Variants in SMG6 observed in about 807,000 individuals in gnomAD.
SMG6 encodes the protein telomerase-binding protein EST1A.
Under a neutral mutation model 142.2 loss-of-function variants are expected in SMG6, and 66 were observed. The observed-to-expected ratio is 0.46, with a 90% CI of 0.38 to 0.57. SMG6 has a LOEUF of 0.57. Among genes scored for constraint, SMG6 ranks in the 20% least tolerant of loss-of-function variants. The probability of loss-of-function intolerance (pLI) is 0.00; values close to 1 mark genes in which losing one functional copy is unlikely to be tolerated. For synonymous variants in SMG6, 779 were observed against 702.4 expected, an observed-to-expected ratio of 1.11 and a Z score of -1.72; for missense variants, 1,793 against 1,832.0, an observed-to-expected ratio of 0.98 and a Z score of 0.39.
At chr17:2,144,324 C>G (rs1318192668) in intron 13 of SMG6, among the ~76,000 whole-genome samples, 1 of 152,040 alleles carries the variant, frequency 6.6e-6, no homozygotes, top group African/African-American at 2.4e-5. Flanking sequence ...GCCTCGGCCT[C>G]CCAACATGCT....
chr17:2,104,359 T>C (rs1380441989), intron 13 of SMG6, among the ~76,000 whole-genome samples: 1 of 152,130 alleles, frequency 6.6e-6, no homozygotes, highest in Non-Finnish European at 1.5e-5. Flanking sequence ...GCTTCCCAAA[T>C]TGCTGGGATT....
At chr17:2,143,468 C>T (rs551461903) in intron 13 of SMG6, among the ~76,000 whole-genome samples, 2 of 152,178 alleles carry the variant, frequency 1.3e-5, no homozygotes, top group South Asian at 2.1e-4. Context: ...AACCAGAAGA[C>T]ACCAGATACA....
In SMG6 at chr17:2,177,693, T is replaced by C. The variant is rs181926134; in HGVS notation, c.3156-4834A>G. On this transcript the variant is annotated intron_variant, in intron 12 of 18. Transcript: ENST00000263073. ...AGCCGTGCATTGTGTTTCAGAGCTATGGAAGATCAGAGAAGCAGTACAGAT... is the reference window on the plus strand; with the variant it reads ...AGCCGTGCATTGTGTTTCAGAGCTACGGAAGATCAGAGAAGCAGTACAGAT... 5.7e-4 allele frequency among the ~76,000 whole-genome samples: 87 copies of C among 152,262 alleles called. 1 individual carries two copies. The highest frequency in any genetic ancestry group is 3.5e-4 in the Non-Finnish European group (24 of 68,026).
At chr17:2,154,948 T>A (rs1171300836) in intron 13 of SMG6, among the ~76,000 whole-genome samples, 1 of 151,782 alleles carries the variant, frequency 6.6e-6, no homozygotes, top group East Asian at 1.9e-4. Flanking sequence ...GGTGGGAGGA[T>A]CCCTTGAGCT....
chr17:2,218,034 A>C lies in SMG6; in HGVS notation c.2869+18458T>G, dbSNP rs142503843. The stretch of plus-strand genomic sequence containing the variant: ...CAAAAAACAAAAACAAAAACAAAAA[A>C]AAAAACAATGAAAAGGACCATCAGA... On this transcript the variant is annotated intron_variant, in intron 10 of 18. Coordinates refer to ENST00000263073, the MANE Select transcript of SMG6 (RefSeq NM_017575.5). Among the ~76,000 whole-genome samples, 1,004 of 151,844 alleles carry C rather than the reference A, an allele frequency of 6.6e-3. 8 individuals carry two copies. The highest frequency in any genetic ancestry group is 0.011 in the Non-Finnish European group (743 of 67,822).
In SMG6 at chr17:2,300,267, C is replaced by G. The variant is rs1483394110; in HGVS notation, c.486G>C (p.Arg162=). ...LQTVSKESAS[R]VEEEEVLNQV... ...GGTTGAGGACTTCTTCCTCCTCCAC[C>G]CGACTGGCGGATTCTTTGCTAACAG... The change falls in exon 2 of 19, where the codon CGG becomes CGC. Residue 162 remains arginine (R), a synonymous_variant. Transcript: ENST00000263073. The G allele has an allele frequency of 1.2e-6, 2 of 1,614,038 alleles. No homozygotes were observed. The highest frequency in any genetic ancestry group is 1.7e-6 in the Non-Finnish European group (2 of 1,180,048).
chr17:2,161,618 CTCT>C (rs1388553758), intron 13 of SMG6, among the ~76,000 whole-genome samples: 1 of 151,882 alleles, frequency 6.6e-6, no homozygotes, highest in Non-Finnish European at 1.5e-5. Flanking sequence ...ACTGCCACTA[CTCT>C]TATATTTTTG....
At chr17:2,244,467 T>TA (rs1248799763) in intron 9 of SMG6, among the ~76,000 whole-genome samples, 191 bp downstream of exon 9, 1 of 151,906 alleles carries the variant, frequency 6.6e-6, no homozygotes, top group East Asian at 1.9e-4. Context: ...ACAAGAGAGA[T>TA]AGAGAGTAAT....
At chr17:2,249,177 G>A (rs1424807228) in intron 8 of SMG6, among the ~76,000 whole-genome samples, 1 of 152,074 alleles carries the variant, frequency 6.6e-6, no homozygotes, top group Admixed American at 6.5e-5. Flanking sequence ...ACAGGCGTGA[G>A]CCACCGCGAG....
In SMG6 at chr17:2,303,653, G is replaced by A; in HGVS notation, c.68C>T (p.Ala23Val). The A allele has an allele frequency of 1.3e-6, 2 of 1,489,750 alleles. No homozygotes were observed. The highest frequency in any genetic ancestry group is 1.8e-6 in the Non-Finnish European group (2 of 1,126,566). The allele number at this position is 1,489,750 out of a possible 1,614,324, so 92.3% of individuals were successfully genotyped here. Residue 23 changes from alanine (A) to valine (V), a missense_variant, in exon 1 of 19, where the codon GCC (alanine) becomes GTC (valine). By Grantham distance (64) the Ala-to-Val change is moderately conservative. Around this residue, in one of 3 missense-constraint regions of SMG6, gnomAD observed 1,597 missense variants for 1,584.6 expected, o/e 1.01. Transcript: ENST00000263073. Reference protein sequence around the residue: ...SELRGILATLAPQAGSRENMK... With the variant: ...SELRGILATLVPQAGSRENMK... Reference sequence around the variant, plus strand: ...CTCACCTCTGCTCCCGGCCTGCGGGGCCAGAGTAGCCAGGATCCCGCGCAG... The same window carrying A: ...CTCACCTCTGCTCCCGGCCTGCGGGACCAGAGTAGCCAGGATCCCGCGCAG...
chr17:2,063,433 C>T (rs2067842806), intron 18 of SMG6, among the ~76,000 whole-genome samples: 1 of 152,222 alleles, frequency 6.6e-6, no homozygotes, highest in Admixed American at 6.5e-5. Flanking sequence ...CCAGCCATTG[C>T]TGATGTCATT....
chr17:2,074,736 G>C (rs925714063), intron 15 of SMG6, among the ~76,000 whole-genome samples: 1 of 152,170 alleles, frequency 6.6e-6, no homozygotes, highest in Admixed American at 6.5e-5. Context: ...GGGGACAGTG[G>C]GCTCAGTCAC....
intron 11 of SMG6, among the ~76,000 whole-genome samples, chr17:2,188,118 AG>A (rs2072047398): frequency 6.6e-6 from 1 of 152,228 alleles, no homozygotes; most frequent in Non-Finnish European, 1.5e-5. Flanking sequence ...CTGAAGATGC[AG>A]GAACATGCAG....
chr17:2,129,056 T>G (rs1273625684), intron 13 of SMG6, among the ~76,000 whole-genome samples: 1 of 152,114 alleles, frequency 6.6e-6, no homozygotes, highest in East Asian at 1.9e-4. Context: ...AAATTAGAAT[T>G]TTATTACTGG....
intron 10 of SMG6, among the ~76,000 whole-genome samples, chr17:2,227,029 T>A (rs978071212): frequency 1.3e-5 from 2 of 151,978 alleles, no homozygotes; most frequent in Admixed American, 1.3e-4. Context: ...CAAAATGAAA[T>A]AGCACCACAC....
chr17:2,123,864 T>C (rs2069783052), intron 13 of SMG6, among the ~76,000 whole-genome samples: 1 of 152,202 alleles, frequency 6.6e-6, no homozygotes, highest in Admixed American at 6.5e-5. Flanking sequence ...TTAGAGCTGC[T>C]TTTATAATCA....
intron 8 of SMG6, among the ~76,000 whole-genome samples, chr17:2,263,797 C>T (rs574356000): frequency 6.6e-6 from 1 of 152,048 alleles, no homozygotes; most frequent in African/African-American, 2.4e-5. Flanking sequence ...GGAAGGATCA[C>T]GAGCCAAGAA....
At position 2,129,793 on chromosome 17, in the gene SMG6, C is replaced by CAAAAAA. The variant is rs57556112; in HGVS notation, c.3357+42859_3357+42864dup. Among the ~76,000 whole-genome samples the CAAAAAA allele has an allele frequency of 1.2e-3, 69 of 56,322 alleles. 1 individual carries two copies. The highest frequency in any genetic ancestry group is 1.8e-3 in the Non-Finnish European group (56 of 30,446). 36.9% of individuals were successfully genotyped at this position (56,322 alleles called of 152,430 possible). A position where few individuals can be genotyped will look rare whatever the true frequency, so the allele number is the denominator to read the frequency against. On this transcript the variant is annotated intron_variant, in intron 13 of 18. Transcript: ENST00000263073. ...TGGGTGACAGAGCAAGGCTCTGTCT[C>CAAAAAA]AAAAAAAAAAAAAAAAAAAAAAAAA...
At chr17:2,148,473 A>T (rs2070734241) in intron 13 of SMG6, among the ~76,000 whole-genome samples, 1 of 152,246 alleles carries the variant, frequency 6.6e-6, no homozygotes, top group Non-Finnish European at 1.5e-5. Context: ...CACGGATAAA[A>T]CGTGAAATCA....
Sources: gnomAD v4.1 joint callset for allele counts (sites outside exome capture counted in the v4.1 genomes callset) on GRCh38, gnomAD v4.1.1 for gene constraint, gnomAD v4.1.1 regional missense constraint, MANE v1.5 for transcripts, NCBI Gene and HGNC (gene_info 2026-07-23, HGNC 2026-07-21) for gene names.